SRD5A2: variants seen among roughly 807,000 people sequenced by gnomAD.
SRD5A2 encodes the protein steroid 5 alpha-reductase 2.
Under a neutral mutation model 27.4 loss-of-function variants are expected in SRD5A2, and 30 were observed. The ratio of observed to expected loss-of-function variants is 1.10; its 90% confidence interval spans 0.82 to 1.49. The LOEUF (loss-of-function observed/expected upper bound fraction) is 1.49. Among genes scored for constraint, SRD5A2 ranks in the 40% most tolerant of loss-of-function variants. The pLI, the probability that SRD5A2 is intolerant of heterozygous loss-of-function variation, is 0.00. For synonymous variants in SRD5A2, 141 were observed against 133.6 expected, an observed-to-expected ratio of 1.06 and a Z score of -0.38; for missense variants, 348 against 323.4, an observed-to-expected ratio of 1.08 and a Z score of -0.58.
At chr2:31,560,911 G>C (rs1013065276) in intron 1 of SRD5A2, among the ~76,000 whole-genome samples, 1 of 152,050 alleles carries the variant, frequency 6.6e-6, no homozygotes, top group African/African-American at 2.4e-5. Context: ...GTCTCCTAAG[G>C]GCTGTTGCAG....
the SRD5A2 span, among the ~76,000 whole-genome samples, chr2:31,633,381 A>G: frequency 7.2e-5 from 11 of 152,180 alleles, no homozygotes; most frequent in African/African-American, 2.7e-4. Context: ...GGTCTTTTCA[A>G]AACTGTCAAG....
chr2:31,621,187 A>G, the SRD5A2 span, among the ~76,000 whole-genome samples: 1 of 152,020 alleles, frequency 6.6e-6, no homozygotes, highest in Non-Finnish European at 1.5e-5. Flanking sequence ...CATTGATACA[A>G]TCAAGATACA....
intron 1 of SRD5A2, among the ~76,000 whole-genome samples, chr2:31,555,069 A>G (rs745751600): frequency 2.0e-5 from 3 of 151,788 alleles, no homozygotes; most frequent in Non-Finnish European, 4.4e-5. Context: ...GGCAGCAGAG[A>G]TGGAATTTAA....
intron 1 of SRD5A2, among the ~76,000 whole-genome samples, chr2:31,537,985 G>A (rs1327384805): frequency 6.6e-6 from 1 of 152,156 alleles, no homozygotes; most frequent in Admixed American, 6.5e-5. Context: ...GTGTGAAATA[G>A]ATTTCTGCTC....
At chr2:31,650,063 T>G in the SRD5A2 span, among the ~76,000 whole-genome samples, 1 of 152,260 alleles carries the variant, frequency 6.6e-6, no homozygotes, top group Admixed American at 6.5e-5. Context: ...CAGGCTCATG[T>G]GCTCCCCAGA....
At chr2:31,642,984 T>A in the SRD5A2 span, among the ~76,000 whole-genome samples, 1 of 151,680 alleles carries the variant, frequency 6.6e-6, no homozygotes, top group Non-Finnish European at 1.5e-5. Context: ...TAATTTACGG[T>A]GGAAAAAAAA....
chr2:31,629,217 G>C, the SRD5A2 span, among the ~76,000 whole-genome samples: 1 of 152,156 alleles, frequency 6.6e-6, no homozygotes, highest in Non-Finnish European at 1.5e-5. Flanking sequence ...ACGACCCATG[G>C]CTTCTAATAG....
At chr2:31,598,185 A>C in the SRD5A2 span, among the ~76,000 whole-genome samples, 9 of 152,266 alleles carry the variant, frequency 5.9e-5, no homozygotes, top group South Asian at 1.7e-3. Flanking sequence ...ATTTAAATGA[A>C]GTAACTCAGG....
the SRD5A2 span, among the ~76,000 whole-genome samples, chr2:31,621,928 C>A: frequency 6.7e-6 from 1 of 150,248 alleles, no homozygotes; most frequent in Admixed American, 6.7e-5. Flanking sequence ...CAGGCATGAG[C>A]CACTCTACCC....
the SRD5A2 span, among the ~76,000 whole-genome samples, chr2:31,625,762 A>T: frequency 6.6e-6 from 1 of 152,170 alleles, no homozygotes; most frequent in Admixed American, 6.6e-5. Flanking sequence ...TGGTTACTGT[A>T]GGCTTGCAGT....
At chr2:31,631,685 T>C in the SRD5A2 span, among the ~76,000 whole-genome samples, 2 of 152,174 alleles carry the variant, frequency 1.3e-5, no homozygotes, top group African/African-American at 2.4e-5. Flanking sequence ...ATAATGTTAC[T>C]GCTAGATCAG....
the SRD5A2 span, among the ~76,000 whole-genome samples, chr2:31,601,008 A>G: frequency 6.6e-6 from 1 of 151,912 alleles, no homozygotes; most frequent in Admixed American, 6.6e-5. Context: ...TATCACAACT[A>G]AAAGAACTAG....
chr2:31,634,489 C>G, the SRD5A2 span, among the ~76,000 whole-genome samples: 2 of 152,192 alleles, frequency 1.3e-5, no homozygotes, highest in South Asian at 4.1e-4. Context: ...TTAAAAGACA[C>G]TAAACCTCAC....
chr2:31,544,615 T>C (rs1666205833), intron 1 of SRD5A2, among the ~76,000 whole-genome samples: 2 of 151,836 alleles, frequency 1.3e-5, no homozygotes, highest in African/African-American at 4.8e-5. Flanking sequence ...GAAGATCCTA[T>C]ATCAGCCAAC....
chr2:31,531,455 A>G lies in SRD5A2; in HGVS notation c.463T>C (p.Leu155=). ...RFSLGVFLFI[L]GMGINIHSDY... ...CTATGAATGTTTATTCCCATTCCCA[A>G]AATAAATAAGAAGACACCTTGACAA... Residue 155 remains leucine, a synonymous_variant, in exon 3 of 5, where the codon TTG becomes CTG. Coordinates refer to ENST00000622030, the MANE Select transcript of SRD5A2 (RefSeq NM_000348.4). 6.3e-7 allele frequency: 1 copy of G among 1,597,488 alleles called. No individual in the cohort carries two copies. Among genetic ancestry groups the G allele is most frequent in the Non-Finnish European group, 8.5e-7 (1 of 1,171,260 alleles).
chr2:31,579,786 A>G (rs1043869397), intron 1 of SRD5A2, among the ~76,000 whole-genome samples: 2 of 152,206 alleles, frequency 1.3e-5, no homozygotes, highest in Non-Finnish European at 2.9e-5. Context: ...CTGAGGCTGG[A>G]CAGTCTTTCT....
Position 31,524,187 on chromosome 2 carries a change from C to T in SRD5A2, c.*2009G>A, listed in dbSNP as rs1191175349. 1 of 224,782 alleles carries T rather than the reference C, an allele frequency of 4.4e-6. No homozygotes were observed. The highest frequency in any genetic ancestry group is 8.9e-6 in the Non-Finnish European group (1 of 112,762). The allele number at this position is 224,782 out of a possible 1,614,324, so 13.9% of individuals were successfully genotyped here. A position where few individuals can be genotyped will look rare whatever the true frequency, so the allele number is the denominator to read the frequency against. On this transcript the variant is annotated 3_prime_UTR_variant, in exon 5 of 5. Coordinates refer to ENST00000622030, the MANE Select transcript of SRD5A2 (RefSeq NM_000348.4). Reference sequence around the variant, plus strand: ...TTTTACATGGTAGTAAAATAAAGGACTTAAGCAAGGTAGTTTTCAATGTCA... The same window carrying T: ...TTTTACATGGTAGTAAAATAAAGGATTTAAGCAAGGTAGTTTTCAATGTCA...
chr2:31,636,824 A>G, the SRD5A2 span, among the ~76,000 whole-genome samples: 2 of 152,150 alleles, frequency 1.3e-5, no homozygotes, highest in African/African-American at 2.4e-5. Context: ...AACAAATCCT[A>G]TTTGATCACG....
chr2:31,654,220 A>G, the SRD5A2 span, among the ~76,000 whole-genome samples: 2 of 152,186 alleles, frequency 1.3e-5, no homozygotes, highest in African/African-American at 4.8e-5. Flanking sequence ...ATTAGGATGA[A>G]CAGGACTGAG....
Sources: gnomAD v4.1 joint callset for allele counts (sites outside exome capture counted in the v4.1 genomes callset) on GRCh38, gnomAD v4.1.1 for gene constraint, MANE v1.5 for transcripts, NCBI Gene and HGNC (gene_info 2026-07-23, HGNC 2026-07-21) for gene names.